HMGB1: variants seen among roughly 807,000 people sequenced by gnomAD.
HMGB1 encodes the protein high mobility group protein B1.
For synonymous variants in HMGB1, 81 were observed against 84.0 expected, an observed-to-expected ratio of 0.96 and a Z score of 0.19; for missense variants, 79 against 253.5, an observed-to-expected ratio of 0.31 and a Z score of 4.67.
At chr13:30,505,658 G>A (rs551690760) in intron 1 of HMGB1, among the ~76,000 whole-genome samples, 98 of 152,032 alleles carry the variant, frequency 6.4e-4, no homozygotes, top group African/African-American at 2.2e-3. Context: ...AGAGTATAAC[G>A]AAACCCCCTG....
intron 1 of HMGB1, among the ~76,000 whole-genome samples, chr13:30,490,921 G>A (rs752781922): frequency 2.0e-5 from 3 of 152,124 alleles, no homozygotes; most frequent in East Asian, 1.9e-4. Flanking sequence ...CCTCTGTCAC[G>A]CATTCCACTA....
Position 30,464,278 on chromosome 13 carries a change from C to G in HMGB1, c.-14-584G>C, listed in dbSNP as rs1244010524. 3.0e-6 allele frequency: 3 copies of G among 985,440 alleles called. No homozygotes were observed. The African/African-American group carries it at 5.2e-5, about 17-fold the overall frequency. The allele number at this position is 985,440 out of a possible 1,614,324, so 61.0% of individuals were successfully genotyped here. On this transcript the variant is annotated intron_variant, in intron 1 of 4. Coordinates refer to ENST00000341423, the MANE Select transcript of HMGB1 (RefSeq NM_002128.7). ...GGGGGGTGGCGGTGCCACCGCGAGGCAGCCTCGTTTCCTATCGGTTTGGCC... is the reference window on the plus strand; with the variant it reads ...GGGGGGTGGCGGTGCCACCGCGAGGGAGCCTCGTTTCCTATCGGTTTGGCC...
chr13:30,603,756 A>T (rs1378876065), intron 1 of HMGB1, among the ~76,000 whole-genome samples: 3 of 152,242 alleles, frequency 2.0e-5, no homozygotes, highest in African/African-American at 7.2e-5. Context: ...TTTGCATATA[A>T]CCTACACATC....
intron 1 of HMGB1, among the ~76,000 whole-genome samples, chr13:30,560,255 G>A (rs887728313): frequency 2.0e-5 from 3 of 152,164 alleles, no homozygotes; most frequent in Admixed American, 6.5e-5. Context: ...AGTCAAAGCA[G>A]GAAAAAAGTT....
intron 1 of HMGB1, among the ~76,000 whole-genome samples, chr13:30,557,561 C>A (rs373832913): frequency 6.6e-6 from 1 of 152,226 alleles, no homozygotes; most frequent in African/African-American, 2.4e-5. Context: ...AAGACTCTTA[C>A]ACTTACAGAT....
At chr13:30,509,310 C>T (rs1026131820) in intron 1 of HMGB1, among the ~76,000 whole-genome samples, 3 of 151,222 alleles carry the variant, frequency 2.0e-5, no homozygotes, top group South Asian at 2.1e-4. Flanking sequence ...GTGATCTTGG[C>T]TCACTGCAAC....
At chr13:30,561,567 G>A (rs890848001) in intron 1 of HMGB1, among the ~76,000 whole-genome samples, 3 of 152,200 alleles carry the variant, frequency 2.0e-5, no homozygotes, top group Non-Finnish European at 4.4e-5. Context: ...GAGAAAAAAA[G>A]TCAGTGAAGT....
chr13:30,462,184 AG>A (rs1886390091), intron 4 of HMGB1, among the ~76,000 whole-genome samples: 1 of 152,208 alleles, frequency 6.6e-6, no homozygotes, highest in African/African-American at 2.4e-5. Context: ...GATATGACTA[AG>A]AAAAATATAG....
intron 1 of HMGB1, chr13:30,463,939 T>A (rs551599156): frequency 3.9e-4 from 162 of 412,264 alleles, no homozygotes; most frequent in African/African-American, 2.9e-3. Context: ...CACAAAGATA[T>A]ACCCATACAG....
chr13:30,521,027 T>G (rs1458407391), intron 1 of HMGB1, among the ~76,000 whole-genome samples: 1 of 152,204 alleles, frequency 6.6e-6, no homozygotes, highest in Non-Finnish European at 1.5e-5. Flanking sequence ...TTCATGGACA[T>G]GACGACTGTG....
chr13:30,617,082 G>C (rs556203197), exon 1 of HMGB1: 16 of 152,376 alleles, frequency 1.1e-4, no homozygotes, highest in Admixed American at 3.9e-4. Flanking sequence ...CTTATCAAAT[G>C]AGAACTCCCC....
At chr13:30,579,014 C>A (rs1193321530) in intron 1 of HMGB1, among the ~76,000 whole-genome samples, 1 of 152,198 alleles carries the variant, frequency 6.6e-6, no homozygotes, top group East Asian at 1.9e-4. Flanking sequence ...CAGGACTTAC[C>A]ACAAGTTATT....
chr13:30,602,096 C>T (rs1326811673), intron 1 of HMGB1, among the ~76,000 whole-genome samples: 1 of 151,726 alleles, frequency 6.6e-6, no homozygotes, highest in African/African-American at 2.4e-5. Context: ...GACATGTCAC[C>T]GGGGATACCA....
chr13:30,503,133 G>A (rs1486684973), intron 1 of HMGB1, among the ~76,000 whole-genome samples: 1 of 151,008 alleles, frequency 6.6e-6, no homozygotes, highest in Admixed American at 6.6e-5. Flanking sequence ...TCAGGAGATC[G>A]AGACCATCCT....
At chr13:30,573,101 A>G (rs1279147753) in intron 1 of HMGB1, among the ~76,000 whole-genome samples, 1 of 152,220 alleles carries the variant, frequency 6.6e-6, no homozygotes, top group African/African-American at 2.4e-5. Flanking sequence ...TAATTATAGG[A>G]ATTTGACTGC....
At chr13:30,590,401 T>C (rs1281303620) in intron 1 of HMGB1, among the ~76,000 whole-genome samples, 3 of 152,230 alleles carry the variant, frequency 2.0e-5, no homozygotes, top group African/African-American at 7.2e-5. Flanking sequence ...CGTTTCACCA[T>C]GTTGCCCAAG....
intron 1 of HMGB1, among the ~76,000 whole-genome samples, chr13:30,608,983 C>T (rs985677746): frequency 6.6e-6 from 1 of 152,142 alleles, no homozygotes; most frequent in Non-Finnish European, 1.5e-5. Flanking sequence ...TAGGTGAGGC[C>T]GGGCGCGGCG....
rs150873868 is a variant in HMGB1, at chr13:30,472,243, T to A, written c.-14-8549A>T. On this transcript the variant is annotated intron_variant, in intron 1 of 4. Coordinates refer to the HMGB1 transcript ENST00000405805. ...GCAGTGAATGGAGACTACACCAGAGTGCCACAGAGTGAGACTCTGTCTCAA... is the reference window on the plus strand; with the variant it reads ...GCAGTGAATGGAGACTACACCAGAGAGCCACAGAGTGAGACTCTGTCTCAA... Among the ~76,000 whole-genome samples, 927 of 151,420 alleles carry A rather than the reference T, an allele frequency of 6.1e-3. 8 individuals carry two copies. The highest frequency in any genetic ancestry group is 0.022 in the African/African-American group (888 of 41,268).
intron 1 of HMGB1, among the ~76,000 whole-genome samples, chr13:30,615,797 G>A (rs1950554889): frequency 1.3e-5 from 2 of 152,198 alleles, no homozygotes; most frequent in Non-Finnish European, 1.5e-5. Context: ...TGGCTAAAAT[G>A]AGAGAAAAAA....
Sources: gnomAD v4.1 joint callset for allele counts (sites outside exome capture counted in the v4.1 genomes callset) on GRCh38, gnomAD v4.1.1 for gene constraint, MANE v1.5 for transcripts, NCBI Gene and HGNC (gene_info 2026-07-23, HGNC 2026-07-21) for gene names.